Variants in RASA3 observed in about 807,000 individuals in gnomAD.
RASA3 encodes RAS p21 protein activator 3.
RASA3 carries 73 observed loss-of-function variants against 110.0 expected under a neutral mutation model. The ratio of observed to expected loss-of-function variants is 0.66; its 90% CI spans 0.55 to 0.81. The LOEUF is 0.81. RASA3 is among the 30% of genes least tolerant of loss of function. The pLI is 0.00. For missense variants in RASA3, 976 were observed against 1,113.2 expected (o/e 0.88, Z 1.75); for synonymous variants, 500 against 451.4 (o/e 1.11, Z -1.37).
chr13:114,025,655 G>A (rs77610369), intron 7 of RASA3, among the ~76,000 whole-genome samples: 4,668 of 152,382 alleles, frequency 0.031, 125 homozygotes, highest in Non-Finnish European at 0.046. Context: ...CCTGACACGT[G>A]TTGAGTGAAT....
At chr13:114,068,935 C>T (rs180875783) in intron 2 of RASA3, among the ~76,000 whole-genome samples, 1 of 152,202 alleles carries the variant, frequency 6.6e-6, no homozygotes, top group Non-Finnish European at 1.5e-5. Context: ...GCCCTTCAAC[C>T]TCCACCTTGA....
Position 114,017,322 on chromosome 13 carries a change from G to A in RASA3, c.1121C>T (p.Ser374Leu), listed in dbSNP as rs866498681. 6.2e-7 allele frequency: 1 copy of A among 1,614,014 alleles called. No homozygotes were observed. Among genetic ancestry groups the A allele is most frequent in the Non-Finnish European group, 8.5e-7 (1 of 1,180,028 alleles). The change falls in exon 12 of 24, where the codon TCA (serine) becomes TTA (leucine). Residue 374 changes from serine (S) to leucine (L), a missense_variant. By Grantham distance (145) the Ser-to-Leu change is moderately radical. Transcript: ENST00000334062. ...CTCGTCGATGCACTTGGACGCCAGTGAGTTTCCTCGGAAGATGGTGTTGGG... is the reference window on the plus strand; with the variant it reads ...CTCGTCGATGCACTTGGACGCCAGTAAGTTTCCTCGGAAGATGGTGTTGGG... ...QDPNTIFRGN[S>L]LASKCIDETM... is the part of the protein sequence containing the mutation.
At chr13:114,092,835 G>T (rs193029251) in intron 1 of RASA3, among the ~76,000 whole-genome samples, 1 of 151,914 alleles carries the variant, frequency 6.6e-6, no homozygotes, top group Non-Finnish European at 1.5e-5. Context: ...TATATATATC[G>T]GGGTGCTCTG....
intron 16 of RASA3, among the ~76,000 whole-genome samples, chr13:114,010,001 G>A (rs779065353): frequency 1.8e-4 from 27 of 152,230 alleles, no homozygotes; most frequent in Admixed American, 1.2e-3. Flanking sequence ...CCACACTGAG[G>A]TCACTGCACA....
chr13:114,015,910 G>T (rs183437227), intron 13 of RASA3, among the ~76,000 whole-genome samples: 2 of 152,254 alleles, frequency 1.3e-5, no homozygotes, highest in Admixed American at 6.5e-5. Flanking sequence ...GACCCTCCGG[G>T]GGGGCAGAGC....
intron 21 of RASA3, among the ~76,000 whole-genome samples, chr13:113,994,484 A>T (rs1190670551): frequency 2.6e-5 from 4 of 152,208 alleles, no homozygotes. Context: ...AGAAGAAAGA[A>T]GATGAAGTGA....
At chr13:114,058,287 G>C (rs1224648436) in intron 2 of RASA3, among the ~76,000 whole-genome samples, 1 of 152,092 alleles carries the variant, frequency 6.6e-6, no homozygotes, top group Non-Finnish European at 1.5e-5. Context: ...GCTGCGGCGA[G>C]GCCGTCACCA....
In RASA3 at chr13:114,092,055, GTCTTA is replaced by G. The variant is rs551047976; in HGVS notation, c.56-18223_56-18219del. Among the ~76,000 whole-genome samples, 215 of 150,962 alleles carry G rather than the reference GTCTTA, an allele frequency of 1.4e-3. 2 individuals are homozygous for G. The highest frequency in any genetic ancestry group is 4.9e-3 in the African/African-American group (201 of 41,370). On this transcript the variant is annotated intron_variant, in intron 1 of 23. Transcript: ENST00000334062. ...TCCATCCTTGATTTTATTTATTGGGGTCTTATCTTTTTTTTTTCTTAGTCTAGCTA... is the reference window on the plus strand; with the variant it reads ...TCCATCCTTGATTTTATTTATTGGGGTCTTTTTTTTTTCTTAGTCTAGCTA...
At chr13:113,995,709 C>T (rs1310832374) in intron 21 of RASA3, among the ~76,000 whole-genome samples, 16 of 56,866 alleles carry the variant, frequency 2.8e-4, no homozygotes, top group South Asian at 6.7e-4. Flanking sequence ...GGCTGGCTGA[C>T]GGAGGACCCA....
intron 1 of RASA3, among the ~76,000 whole-genome samples, chr13:114,099,436 C>T (rs2079993373): frequency 6.6e-6 from 1 of 151,848 alleles, no homozygotes; most frequent in Non-Finnish European, 1.5e-5. Flanking sequence ...ACTGCCTCTC[C>T]CTTTCCAGGC....
intron 1 of RASA3, among the ~76,000 whole-genome samples, chr13:114,091,236 G>A (rs1410391614): frequency 6.6e-6 from 1 of 151,986 alleles, no homozygotes; most frequent in Non-Finnish European, 1.5e-5. Flanking sequence ...CCACTGTCAT[G>A]TCCCACATTT....
rs1020703160 is a variant in RASA3, at chr13:114,016,439, C to G, written c.1207-168G>C. Among the ~76,000 whole-genome samples the G allele has an allele frequency of 2.0e-5, 3 of 152,130 alleles. No individual in the cohort carries two copies. The East Asian group carries it at 5.8e-4, about 29-fold the overall frequency. The stretch of plus-strand genomic sequence containing the variant: ...CTGGCACGGAGGGGCACGGTGAGGC[C>G]GGACTGCAGGGCCACCGTGGGGTGG... On this transcript the variant is annotated intron_variant, in intron 12 of 23. Coordinates refer to ENST00000334062, the MANE Select transcript of RASA3 (RefSeq NM_007368.4).
intron 1 of RASA3, among the ~76,000 whole-genome samples, chr13:114,121,592 TAAG>T (rs2139790688): frequency 6.6e-6 from 1 of 152,258 alleles, no homozygotes; most frequent in African/African-American, 2.4e-5. Context: ...CCGAGGAACA[TAAG>T]GATGCGGACT....
chr13:114,016,422 G>C (rs2053793700), intron 12 of RASA3, 151 bp from the exon 13 acceptor site: 3 of 650,656 alleles, frequency 4.6e-6, no homozygotes, highest in Non-Finnish European at 8.5e-6. Context: ...CACTGGCACG[G>C]AGGGGCACGG....
chr13:114,055,186 G>C (rs2079222973), intron 2 of RASA3, among the ~76,000 whole-genome samples: 1 of 152,206 alleles, frequency 6.6e-6, no homozygotes, highest in Non-Finnish European at 1.5e-5. Flanking sequence ...GTGCATGCAT[G>C]TGCCATGCAT....
At chr13:114,113,535 G>A (rs2080243326) in intron 1 of RASA3, among the ~76,000 whole-genome samples, 1 of 152,228 alleles carries the variant, frequency 6.6e-6, no homozygotes, top group Non-Finnish European at 1.5e-5. Flanking sequence ...GAGACTGGCT[G>A]GCTCACATTG....
chr13:114,037,329 C>T (rs988714564), intron 4 of RASA3, among the ~76,000 whole-genome samples: 3 of 152,178 alleles, frequency 2.0e-5, no homozygotes, highest in African/African-American at 7.2e-5. Context: ...TCGGACCATT[C>T]CTCAGCCTTG....
chr13:114,094,828 G>A (rs1367199443), intron 1 of RASA3, among the ~76,000 whole-genome samples: 1 of 152,184 alleles, frequency 6.6e-6, no homozygotes, highest in Admixed American at 6.5e-5. Flanking sequence ...CACACGTTTA[G>A]ATATGTGCAC....
intron 5 of RASA3, among the ~76,000 whole-genome samples, 180 bp downstream of exon 5, chr13:114,029,631 G>A (rs1288287909): frequency 6.7e-5 from 1 of 14,940 alleles, no homozygotes; most frequent in Admixed American, 5.5e-4. Flanking sequence ...CGTCATCCTG[G>A]TGGGCCAGGA....
Sources: allele counts gnomAD v4.1 joint callset (sites outside exome capture counted in the v4.1 genomes callset), GRCh38; gene constraint gnomAD v4.1.1; transcripts MANE v1.5; gene names NCBI Gene and HGNC (gene_info 2026-07-23, HGNC 2026-07-21).